The following SCN1A variants were observed in gnomAD, a reference collection of about 807,000 sequenced individuals.
The protein encoded by SCN1A is sodium voltage-gated channel alpha subunit 1.
In SCN1A, 13 loss-of-function variants were observed where a neutral mutation model predicts 193.7. The observed-to-expected ratio is 0.07, with a 90% CI of 0.04 to 0.11. The LOEUF (loss-of-function observed/expected upper bound fraction) is 0.11. Ranked by LOEUF, SCN1A falls within the 10% of genes least tolerant of loss-of-function variation. The pLI is 1.00. For missense variants in SCN1A, 1,432 were observed against 2,451.1 expected (o/e 0.58, Z 8.78); for synonymous variants, 781 against 843.6 (o/e 0.93, Z 1.29).
chr2:166,051,080 A>G (rs1351066294), intron 9 of SCN1A, among the ~76,000 whole-genome samples: 6 of 151,964 alleles, frequency 3.9e-5, no homozygotes, highest in African/African-American at 1.4e-4. Flanking sequence ...ATCTCCTTTC[A>G]TTATATCAAT....
intron 19 of SCN1A, among the ~76,000 whole-genome samples, chr2:166,020,698 C>T (rs1269247040): frequency 6.6e-6 from 1 of 151,912 alleles, no homozygotes; most frequent in African/African-American, 2.4e-5. Context: ...GATACATGTA[C>T]ATTAAAAAAC....
chr2:166,076,802 C>A (rs1685028579), intron 3 of SCN1A, among the ~76,000 whole-genome samples: 1 of 148,144 alleles, frequency 6.8e-6, no homozygotes, highest in African/African-American at 2.5e-5. Flanking sequence ...ATAGTCTTTT[C>A]AACATGTATT....
Position 166,036,388 on chromosome 2 carries a change from A to G in SCN1A, c.3089T>C (p.Ile1030Thr). The G allele has an allele frequency of 6.3e-7, 1 of 1,599,010 alleles. No individual in the cohort carries two copies. The highest frequency in any genetic ancestry group is 8.5e-7 in the Non-Finnish European group (1 of 1,175,022). Residue 1030 changes from isoleucine to threonine, a missense_variant, in exon 19 of 29, where the codon ATA (isoleucine) becomes ACA (threonine). This residue lies in a region of SCN1A where 198 missense variants were observed against 225.8 expected (regional missense o/e 0.88). Coordinates refer to ENST00000674923, the MANE Select transcript of SCN1A (RefSeq NM_001165963.4). ...GAAGGACTGTTGAATAAATTCATAT[A>G]TTTTTCTTTTCACATAAGCTACTCC... ...HKGVAYVKRK[I>T]YEFIQQSFIR...
At chr2:165,995,956 C>T in intron 27 of SCN1A, 57 bp downstream of exon 27, 1 of 1,169,666 alleles carries the variant, frequency 8.5e-7, no homozygotes, top group Non-Finnish European at 1.3e-6. Flanking sequence ...TTTTGTGAGA[C>T]AAGCATGCAA....
At chr2:166,059,922 C>G in intron 4 of SCN1A, among the ~76,000 whole-genome samples, 1 of 150,902 alleles carries the variant, frequency 6.6e-6, no homozygotes, top group Non-Finnish European at 1.5e-5. Context: ...GTAGAAGTGT[C>G]CTAAACTGGC....
At chr2:165,996,356 A>T (rs973498633) in intron 26 of SCN1A, 1 of 348,536 alleles carries the variant, frequency 2.9e-6, no homozygotes, top group Non-Finnish European at 5.3e-6. Flanking sequence ...ACACCCCCAA[A>T]TCTCAAAAAG....
At chr2:166,041,198 A>G (rs1164766629) in intron 16 of SCN1A, 33 bp downstream of exon 16, 3 of 1,455,388 alleles carry the variant, frequency 2.1e-6, no homozygotes, top group Non-Finnish European at 2.9e-6. Flanking sequence ...GAAAATTTGA[A>G]GACTAAACAC....
chr2:166,092,812 C>G (rs1468246541), intron 2 of SCN1A: 2 of 152,090 alleles, frequency 1.3e-5, no homozygotes, highest in Admixed American at 6.5e-5. Flanking sequence ...AGTACCTTGG[C>G]CTTGCTTAGC....
chr2:166,005,000 A>G (rs1449028188), intron 23 of SCN1A, among the ~76,000 whole-genome samples: 1 of 151,466 alleles, frequency 6.6e-6, no homozygotes, highest in Non-Finnish European at 1.5e-5. Flanking sequence ...AAATGAGGTT[A>G]AAACAAGTTA....
At chr2:165,997,150 T>C (rs1690188784) in intron 26 of SCN1A, among the ~76,000 whole-genome samples, 1 of 151,302 alleles carries the variant, frequency 6.6e-6, no homozygotes, top group South Asian at 2.1e-4. Context: ...CCTTATTTTC[T>C]GTCCCTCTCT....
At chr2:166,099,147 A>G (rs1394938964) in intron 2 of SCN1A, among the ~76,000 whole-genome samples, 1 of 152,212 alleles carries the variant, frequency 6.6e-6, no homozygotes, top group Non-Finnish European at 1.5e-5. Flanking sequence ...ACTGGCACAA[A>G]AACAGCTTAT....
chr2:166,032,874 A>C (rs551934555), intron 19 of SCN1A, among the ~76,000 whole-genome samples: 87 of 152,176 alleles, frequency 5.7e-4, no homozygotes, highest in Non-Finnish European at 1.1e-3. Flanking sequence ...TGAATCTTGA[A>C]TCTAGAGAAA....
At chr2:166,034,314 A>G (rs1193674752) in intron 19 of SCN1A, among the ~76,000 whole-genome samples, 1 of 152,204 alleles carries the variant, frequency 6.6e-6, no homozygotes, top group Non-Finnish European at 1.5e-5. Flanking sequence ...GCTGACCTAG[A>G]TTATTCAGAG....
At chr2:166,086,697 A>C (rs1686159225) in intron 2 of SCN1A, among the ~76,000 whole-genome samples, 1 of 152,196 alleles carries the variant, frequency 6.6e-6, no homozygotes, top group Non-Finnish European at 1.5e-5. Flanking sequence ...CAAATTTATG[A>C]ACCTCATCAT....
chr2:165,997,017 G>A (rs111316872), intron 26 of SCN1A, among the ~76,000 whole-genome samples: 4,096 of 151,404 alleles, frequency 0.027, 210 homozygotes, highest in African/African-American at 0.095. Context: ...AGAATGTTTG[G>A]TGACAGTGAG....
At chr2:166,112,755 C>G (rs1161689611) in intron 2 of SCN1A, among the ~76,000 whole-genome samples, 1 of 152,140 alleles carries the variant, frequency 6.6e-6, no homozygotes, top group Non-Finnish European at 1.5e-5. Flanking sequence ...AGGGCCCCTA[C>G]ATAGCTTCAG....
chr2:166,000,608 G>T (rs908364539), intron 24 of SCN1A, among the ~76,000 whole-genome samples: 1 of 151,642 alleles, frequency 6.6e-6, no homozygotes. Context: ...TTCTGATAAC[G>T]CTAACCCTTG....
chr2:166,091,989 T>TTA (rs1686859284), intron 2 of SCN1A, among the ~76,000 whole-genome samples: 1 of 152,196 alleles, frequency 6.6e-6, no homozygotes, highest in Non-Finnish European at 1.5e-5. Context: ...AACACAAGTG[T>TTA]TATCATCAAA....
chr2:165,998,748 G>A (rs1484844320), intron 25 of SCN1A, among the ~76,000 whole-genome samples: 1 of 73,476 alleles, frequency 1.4e-5, no homozygotes, highest in Non-Finnish European at 2.4e-5. Context: ...TTTAGTAATG[G>A]ACTGAAAGGT....
Sources: allele counts gnomAD v4.1 joint callset (sites outside exome capture counted in the v4.1 genomes callset), GRCh38; gene constraint gnomAD v4.1.1; regional missense constraint gnomAD v4.1.1; transcripts MANE v1.5; gene names NCBI Gene and HGNC (gene_info 2026-07-23, HGNC 2026-07-21).